The following PGR variants were observed in gnomAD, a reference collection of about 807,000 sequenced individuals.
PGR encodes nuclear receptor subfamily 3 group C member 3.
PGR carries 25 observed loss-of-function variants against 76.1 expected under a neutral mutation model. The observed-to-expected ratio is 0.33, with a 90% CI of 0.24 to 0.46. PGR has a LOEUF of 0.46. Among genes scored for constraint, PGR ranks in the 20% least tolerant of loss-of-function variants. The pLI is 1.00. For missense variants in PGR, 1,172 were observed against 1,225.3 expected (o/e 0.96, Z 0.65); for synonymous variants, 579 against 535.0 (o/e 1.08, Z -1.14).
chr11:101,087,892 C>T (rs769663543), intron 3 of PGR, among the ~76,000 whole-genome samples: 11 of 152,084 alleles, frequency 7.2e-5, no homozygotes, highest in Non-Finnish European at 1.5e-4. Flanking sequence ...CCATCTTACA[C>T]CAATCAGAAT....
chr11:101,091,849 C>T lies in PGR; in HGVS notation c.1817G>A (p.Arg606Lys), dbSNP rs746252081. ...EGQHNYLCAG[R>K]NDCIVDKIRR... is the part of the protein sequence containing the mutation. ...GATTTTATCAACGATGCAGTCATTT[C>T]TTCCAGCACATAAGTAGTTGTGCTG... Residue 606 changes from arginine to lysine, a missense_variant, in exon 3 of 8, where the codon AGA becomes AAA. Arg to Lys is a conservative substitution (Grantham distance 26). This residue lies in a region of PGR where 40 missense variants were observed against 82.7 expected (regional missense o/e 0.48). Transcript: ENST00000325455. 1.9e-6 allele frequency: 3 copies of T among 1,607,816 alleles called. No homozygotes were observed. Among genetic ancestry groups the T allele is most frequent in the Non-Finnish European group, 1.7e-6 (2 of 1,174,408 alleles).
intron 4 of PGR, among the ~76,000 whole-genome samples, chr11:101,062,115 G>A (rs1860523354): frequency 6.6e-6 from 1 of 151,978 alleles, no homozygotes; most frequent in Non-Finnish European, 1.5e-5. Context: ...GAATAAATAG[G>A]GCATTTATAA....
intron 2 of PGR, among the ~76,000 whole-genome samples, chr11:101,118,210 T>C (rs1268156872): frequency 1.3e-5 from 2 of 152,230 alleles, no homozygotes; most frequent in Non-Finnish European, 2.9e-5. Flanking sequence ...GAACAAATCT[T>C]ATCTGTAAAA....
intron 3 of PGR, among the ~76,000 whole-genome samples, chr11:101,091,121 G>A (rs899074862): frequency 2.6e-5 from 4 of 152,222 alleles, no homozygotes; most frequent in South Asian, 2.1e-4. Context: ...ACTGTGGCTC[G>A]CTTGATCTCC....
intron 3 of PGR, among the ~76,000 whole-genome samples, chr11:101,074,411 C>G (rs558699496): frequency 6.6e-5 from 10 of 152,132 alleles, no homozygotes; most frequent in Admixed American, 6.5e-4. Flanking sequence ...CTTTGAAAAC[C>G]AGCACAAGAC....
chr11:101,060,852 C>T (rs1427228809), intron 4 of PGR, among the ~76,000 whole-genome samples: 1 of 152,150 alleles, frequency 6.6e-6, no homozygotes. Context: ...TAAGAGTTTT[C>T]TCTCATTCCT....
At chr11:101,055,766 T>A (rs1041555619) in intron 4 of PGR, among the ~76,000 whole-genome samples, 3 of 152,214 alleles carry the variant, frequency 2.0e-5, no homozygotes, top group Non-Finnish European at 2.9e-5. Flanking sequence ...ATCCTACTCT[T>A]AGTTTTTGTT....
In PGR at chr11:101,032,133, T is replaced by C. The variant is rs187918268; in HGVS notation, c.*6983A>G. On this transcript the variant is annotated 3_prime_UTR_variant, in exon 8 of 8. Coordinates refer to ENST00000325455, the MANE Select transcript of PGR (RefSeq NM_000926.4). ...AATAATTAGACATCTGGCCTTGTGT[T>C]TGACAATTTATATGGTGTATTTCAT... 4.3e-6 allele frequency: 1 copy of C among 232,952 alleles called. No homozygotes were observed. Among genetic ancestry groups the C allele is most frequent in the East Asian group, 6.1e-5 (1 of 16,496 alleles). 14.4% of individuals were successfully genotyped at this position (232,952 alleles called of 1,614,324 possible). A position where few individuals can be genotyped will look rare whatever the true frequency, so the allele number is the denominator to read the frequency against.
At chr11:101,043,261 TC>T (rs1859755993) in intron 6 of PGR, among the ~76,000 whole-genome samples, 1 of 152,200 alleles carries the variant, frequency 6.6e-6, no homozygotes, top group Non-Finnish European at 1.5e-5. Context: ...AGAAGTAGAT[TC>T]CAACTCAAGA....
chr11:101,103,813 A>T (rs1862067092), intron 2 of PGR, among the ~76,000 whole-genome samples: 1 of 152,230 alleles, frequency 6.6e-6, no homozygotes, highest in South Asian at 2.1e-4. Flanking sequence ...AATTACATTT[A>T]CCTGGGATGC....
At chr11:101,078,484 C>T (rs570961018) in intron 3 of PGR, among the ~76,000 whole-genome samples, 11 of 151,980 alleles carry the variant, frequency 7.2e-5, no homozygotes, top group Non-Finnish European at 1.2e-4. Context: ...AGTCATTAAA[C>T]AAAAATGTTT....
rs756114325 is a variant in PGR at position 101,039,076 on chromosome 11, A to C, written c.*40T>G. 4 of 1,548,236 alleles carry C rather than the reference A, an allele frequency of 2.6e-6. No individual in the cohort carries two copies. Among genetic ancestry groups the C allele is most frequent in the Non-Finnish European group, 3.6e-6 (4 of 1,121,666 alleles). ...ATAATCCTGACCAAAACAAAAAGAC[A>C]TACCACAAAATTTAATTCTTTAAAA... On this transcript the variant is annotated 3_prime_UTR_variant, in exon 8 of 8. Transcript: ENST00000325455.
chr11:101,037,498 C>T lies in PGR; in HGVS notation c.*1618G>A. The T allele has an allele frequency of 8.8e-6, 2 of 226,626 alleles. No individual in the cohort carries two copies. Among genetic ancestry groups the T allele is most frequent in the Non-Finnish European group, 8.8e-6 (1 of 113,968 alleles). The allele number at this position is 226,626 out of a possible 1,614,324, so 14.0% of individuals were successfully genotyped here. A position where few individuals can be genotyped will look rare whatever the true frequency, so the allele number is the denominator to read the frequency against. On this transcript the variant is annotated 3_prime_UTR_variant, in exon 8 of 8. Coordinates refer to ENST00000325455, the MANE Select transcript of PGR (RefSeq NM_000926.4). ...GTTTACAGTACAAAACAATTTAAGG[C>T]TACATAAACATAAGAAATAATTGTT...
rs1859361317 is a variant in PGR, at chr11:101,031,768, C to G, written c.*7348G>C. The G allele has an allele frequency of 4.4e-6, 1 of 227,876 alleles. No homozygotes were observed. Among genetic ancestry groups the G allele is most frequent in the Non-Finnish European group, 8.7e-6 (1 of 114,786 alleles). 14.1% of individuals were successfully genotyped at this position (227,876 alleles called of 1,614,324 possible). On this transcript the variant is annotated 3_prime_UTR_variant, in exon 8 of 8. Transcript: ENST00000325455. Reference sequence around the variant, plus strand: ...TCCATAGAAGGAATCCCAGATAAGGCTTTTTAAAAGCCGAGCCCAGCCATG... The same window carrying G: ...TCCATAGAAGGAATCCCAGATAAGGGTTTTTAAAAGCCGAGCCCAGCCATG...
chr11:101,038,801 G>A lies in PGR; in HGVS notation c.*315C>T. The A allele has an allele frequency of 3.9e-6, 1 of 259,532 alleles. No individual in the cohort carries two copies. The highest frequency in any genetic ancestry group is 5.1e-5 in the Admixed American group (1 of 19,762). The allele number at this position is 259,532 out of a possible 1,614,324, so 16.1% of individuals were successfully genotyped here. A position where few individuals can be genotyped will look rare whatever the true frequency, so the allele number is the denominator to read the frequency against. Reference sequence around the variant, plus strand: ...CTCTTAAGTCGATGATTTGTTAGATGCAAAAGTTAAAAATCCTCACCTACA... The same window carrying A: ...CTCTTAAGTCGATGATTTGTTAGATACAAAAGTTAAAAATCCTCACCTACA... On this transcript the variant is annotated 3_prime_UTR_variant, in exon 8 of 8. Transcript: ENST00000325455.
Position 101,077,497 on chromosome 11 carries a change from A to G in PGR, c.1906+14263T>C, listed in dbSNP as rs777384261. Reference sequence around the variant, plus strand: ...TACTAGAATTGATTTTTTTAAATGTATATGTCTTAATCATTCAAATAAAGT... The same window carrying G: ...TACTAGAATTGATTTTTTTAAATGTGTATGTCTTAATCATTCAAATAAAGT... On this transcript the variant is annotated intron_variant, in intron 3 of 7. Coordinates refer to ENST00000325455, the MANE Select transcript of PGR (RefSeq NM_000926.4). Among the ~76,000 whole-genome samples, 7 of 152,306 alleles carry G rather than the reference A, an allele frequency of 4.6e-5. No homozygotes were observed. The East Asian group carries it at 1.2e-3, about 25-fold the overall frequency.
At chr11:101,079,248 T>C (rs985021168) in intron 3 of PGR, among the ~76,000 whole-genome samples, 14 of 152,124 alleles carry the variant, frequency 9.2e-5, no homozygotes, top group African/African-American at 3.4e-4. Flanking sequence ...CCTCAAGGCA[T>C]AGGCAATCAA....
rs1863026560 is a variant in PGR, at chr11:101,129,349, A to G, written c.-279T>C. On this transcript the variant is annotated 5_prime_UTR_variant, in exon 1 of 8. Transcript: ENST00000325455. ...AAGAAAAAGTAGTAATTGTTAGGAG[A>G]TCTCGTCTCCTAACTCGGGGAGTTC... The G allele has an allele frequency of 2.4e-6, 1 of 415,726 alleles. No homozygotes were observed. The highest frequency in any genetic ancestry group is 4.0e-5 in the Admixed American group (1 of 25,066). 25.8% of individuals were successfully genotyped at this position (415,726 alleles called of 1,614,324 possible).
intron 3 of PGR, among the ~76,000 whole-genome samples, chr11:101,085,541 A>AAAAAAAAAAC (rs1861467806): frequency 2.7e-5 from 4 of 149,118 alleles, no homozygotes; most frequent in Non-Finnish European, 4.5e-5. Context: ...AAAAAAAAAA[A>AAAAAAAAAAC]AAAAAAAAAC....
Sources: gnomAD v4.1 joint callset for allele counts (sites outside exome capture counted in the v4.1 genomes callset) on GRCh38, gnomAD v4.1.1 for gene constraint, gnomAD v4.1.1 regional missense constraint, MANE v1.5 for transcripts, NCBI Gene and HGNC (gene_info 2026-07-23, HGNC 2026-07-21) for gene names.